Variants in KCTD16 observed in about 807,000 individuals in gnomAD.
KCTD16 encodes potassium channel tetramerization domain containing 16, also known as BTB/POZ domain-containing protein KCTD16.
In KCTD16, 13 loss-of-function variants were observed where a neutral mutation model predicts 33.2. That is an observed-to-expected ratio of 0.39 (90% confidence interval 0.25 to 0.62). The LOEUF (loss-of-function observed/expected upper bound fraction) is 0.62, where lower values mean the gene tolerates loss of function less well. Among genes scored for constraint, KCTD16 ranks in the 20% least tolerant of loss-of-function variants. The pLI is 0.50. For missense variants in KCTD16, 441 were observed against 525.1 expected, an observed-to-expected ratio of 0.84 and a Z score of 1.57; for synonymous variants, 197 against 195.3, an observed-to-expected ratio of 1.01 and a Z score of -0.07.
At chr5:144,198,905 C>T (rs966722971) in intron 2 of KCTD16, among the ~76,000 whole-genome samples, 8 of 152,146 alleles carry the variant, frequency 5.3e-5, no homozygotes, top group African/African-American at 1.9e-4. Flanking sequence ...AGTGTTTGCT[C>T]ATGATTATAT....
intron 3 of KCTD16, among the ~76,000 whole-genome samples, chr5:144,227,812 GAAT>G (rs1168812054): frequency 6.6e-6 from 1 of 152,222 alleles, no homozygotes; most frequent in African/African-American, 2.4e-5. Flanking sequence ...AGAGGCATCA[GAAT>G]ATGCTGATGG....
At chr5:144,455,664 T>C in intron 3 of KCTD16, among the ~76,000 whole-genome samples, 1 of 152,106 alleles carries the variant, frequency 6.6e-6, no homozygotes, top group East Asian at 1.9e-4. Context: ...AAAGAAGTAA[T>C]TGCAGCAGTC....
Position 144,481,145 on chromosome 5 carries a change from A to C in KCTD16, c.*7031A>C, listed in dbSNP as rs773562323. 10 of 151,908 alleles carry C rather than the reference A, an allele frequency of 6.6e-5. No individual in the cohort carries two copies. The highest frequency in any genetic ancestry group is 1.5e-4 in the Non-Finnish European group (10 of 67,902). 9.4% of individuals were successfully genotyped at this position (151,908 alleles called of 1,614,324 possible). A position where few individuals can be genotyped will look rare whatever the true frequency, so the allele number is the denominator to read the frequency against. On this transcript the variant is annotated 3_prime_UTR_variant, in exon 4 of 4. Coordinates refer to ENST00000512467, the MANE Select transcript of KCTD16 (RefSeq NM_020768.4). ...AAAATTATACTTCAGTGATGTTGTC[A>C]ATCTTTCAACAGCTAAATGTGTTTG... is the stretch of plus-strand genomic sequence containing the variant.
At chr5:144,367,227 G>A (rs941650521) in intron 3 of KCTD16, among the ~76,000 whole-genome samples, 12 of 152,178 alleles carry the variant, frequency 7.9e-5, no homozygotes, top group Admixed American at 5.2e-4. Context: ...TTGAACTTCA[G>A]ACAGGTAAAT....
At chr5:144,432,060 C>T (rs1176965034) in intron 3 of KCTD16, among the ~76,000 whole-genome samples, 2 of 152,052 alleles carry the variant, frequency 1.3e-5, no homozygotes, top group Non-Finnish European at 2.9e-5. Flanking sequence ...TGATGTGGTA[C>T]TTTCTTCTTT....
chr5:144,221,458 T>C (rs1383552606), intron 3 of KCTD16, among the ~76,000 whole-genome samples: 1 of 152,052 alleles, frequency 6.6e-6, no homozygotes, highest in Non-Finnish European at 1.5e-5. Flanking sequence ...TGATGATCCT[T>C]TCTCTGTGTC....
At chr5:144,256,990 G>A (rs1281886019) in intron 3 of KCTD16, among the ~76,000 whole-genome samples, 1 of 152,090 alleles carries the variant, frequency 6.6e-6, no homozygotes, top group African/African-American at 2.4e-5. Context: ...AATGTGGAAG[G>A]TAAATAATGT....
chr5:144,361,759 T>G (rs1751718149), intron 3 of KCTD16, among the ~76,000 whole-genome samples: 1 of 152,122 alleles, frequency 6.6e-6, no homozygotes, highest in Non-Finnish European at 1.5e-5. Context: ...TACAAAACAC[T>G]TGCCAAATTA....
rs1257240375 is a variant in KCTD16, at chr5:144,479,199, G to A, written c.*5085G>A. ...AATATAACCAAAATGAATATGGAAT[G>A]ATTAGTGAATTCAGCTATATTTAAC... is the stretch of plus-strand genomic sequence containing the variant. On this transcript the variant is annotated 3_prime_UTR_variant, in exon 4 of 4. Transcript: ENST00000512467. 1.3e-5 allele frequency: 2 copies of A among 151,710 alleles called. No homozygotes were observed. Among genetic ancestry groups the A allele is most frequent in the Non-Finnish European group, 2.9e-5 (2 of 67,842 alleles). 9.4% of individuals were successfully genotyped at this position (151,710 alleles called of 1,614,324 possible). A position where few individuals can be genotyped will look rare whatever the true frequency, so the allele number is the denominator to read the frequency against.
chr5:144,414,636 C>T lies in KCTD16; in HGVS notation c.833-59024C>T, dbSNP rs544657909. ...GGTACATGACCTCCAGCATAAATGA[C>T]TTAGCCAATTTAAATTTATCAAAGT... On this transcript the variant is annotated intron_variant, in intron 3 of 3. Transcript: ENST00000512467. 3.3e-5 allele frequency among the ~76,000 whole-genome samples: 5 copies of T among 152,318 alleles called. No individual in the cohort carries two copies. The South Asian group carries it at 8.3e-4, about 25-fold the overall frequency.
chr5:144,458,971 T>C (rs915086142), intron 3 of KCTD16, among the ~76,000 whole-genome samples: 5 of 152,222 alleles, frequency 3.3e-5, no homozygotes, highest in Non-Finnish European at 7.3e-5. Context: ...AACAATGTAA[T>C]GATTCCTGAT....
At chr5:144,373,807 T>A (rs1263450176) in intron 3 of KCTD16, among the ~76,000 whole-genome samples, 1 of 152,212 alleles carries the variant, frequency 6.6e-6, no homozygotes, top group African/African-American at 2.4e-5. Context: ...ATTGGTAAGA[T>A]GAGGTTAGTT....
intron 3 of KCTD16, among the ~76,000 whole-genome samples, chr5:144,269,124 A>C (rs1212756314): frequency 6.6e-6 from 1 of 152,140 alleles, no homozygotes; most frequent in Non-Finnish European, 1.5e-5. Context: ...GCTGGTTTAC[A>C]CATTGTGGGG....
rs1474433583 is a variant in KCTD16, at chr5:144,299,132, ATATATATATATATATAT to A, written c.832+91588_832+91604del. 1.5e-3 allele frequency among the ~76,000 whole-genome samples: 42 copies of A among 28,650 alleles called. 2 individuals are homozygous for A. The highest frequency in any genetic ancestry group is 0.013 in the African/African-American group (35 of 2,656). The allele number at this position is 28,650 out of a possible 152,430, so 18.8% of individuals were successfully genotyped here. A position where few individuals can be genotyped will look rare whatever the true frequency, so the allele number is the denominator to read the frequency against. On this transcript the variant is annotated intron_variant, in intron 3 of 3. Transcript: ENST00000512467. Reference sequence around the variant, plus strand: ...TATATATATATATATATATATATATATATATATATATATATATTTTTTTTTTTTTTTTTAACCTGTCA... The same window carrying A: ...TATATATATATATATATATATATATATTTTTTTTTTTTTTTTAACCTGTCA...
At chr5:144,467,568 C>T (rs349687) in intron 3 of KCTD16, among the ~76,000 whole-genome samples, 70,646 of 151,938 alleles carry the variant, frequency 0.46, 16,838 homozygotes, top group East Asian at 0.67. Context: ...ATTATGGTGC[C>T]GTGAAAGCAA....
intron 3 of KCTD16, among the ~76,000 whole-genome samples, chr5:144,433,352 T>C (rs1753506733): frequency 6.6e-6 from 1 of 152,142 alleles, no homozygotes; most frequent in South Asian, 2.1e-4. Context: ...TGGCACAGAC[T>C]GTACTGAATG....
chr5:144,299,069 TA>T (rs1326832953), intron 3 of KCTD16, among the ~76,000 whole-genome samples: 17 of 80,394 alleles, frequency 2.1e-4, no homozygotes, highest in African/African-American at 7.7e-4. Context: ...TATATATATA[TA>T]TATTTTTGTA....
intron 3 of KCTD16, among the ~76,000 whole-genome samples, chr5:144,333,185 T>G (rs939298747): frequency 1.3e-5 from 2 of 152,208 alleles, no homozygotes; most frequent in Non-Finnish European, 2.9e-5. Flanking sequence ...AAGCAATGAC[T>G]TTTAAAAAAG....
intron 3 of KCTD16, among the ~76,000 whole-genome samples, chr5:144,282,611 C>T (rs1271607053): frequency 6.6e-6 from 1 of 152,162 alleles, no homozygotes; most frequent in Non-Finnish European, 1.5e-5. Flanking sequence ...AAGAAACAAC[C>T]TCCACACATC....
Sources: allele counts gnomAD v4.1 joint callset (sites outside exome capture counted in the v4.1 genomes callset), GRCh38; gene constraint gnomAD v4.1.1; transcripts MANE v1.5; gene names NCBI Gene and HGNC (gene_info 2026-07-23, HGNC 2026-07-21).